Variants in VPS52 observed in about 807,000 individuals in gnomAD.
The protein encoded by VPS52 is vacuolar protein sorting-associated protein 52 homolog.
Under a neutral mutation model 98.7 loss-of-function variants are expected in VPS52, and 56 were observed. The ratio of observed to expected loss-of-function variants is 0.57; its 90% confidence interval spans 0.46 to 0.71. The LOEUF is 0.71. VPS52 is among the 30% of genes least tolerant of loss of function. The pLI is 0.00. For synonymous variants in VPS52, 348 were observed against 346.4 expected, an observed-to-expected ratio of 1.00 and a Z score of -0.05; for missense variants, 742 against 925.9, an observed-to-expected ratio of 0.80 and a Z score of 2.58.
At chr6:33,258,312 G>A (rs1325836237) in intron 17 of VPS52, among the ~76,000 whole-genome samples, 1 of 151,032 alleles carries the variant, frequency 6.6e-6, no homozygotes, top group Non-Finnish European at 1.5e-5. Flanking sequence ...GCTTGAACCC[G>A]GGAGGCAGAG....
At position 33,266,671 on chromosome 6, in the gene VPS52, G is replaced by A; in HGVS notation, c.1167C>T (p.Leu389=). Residue 389 remains leucine, a synonymous_variant, in exon 12 of 20, where the codon CTC becomes CTT. Coordinates refer to ENST00000445902, the MANE Select transcript of VPS52 (RefSeq NM_022553.6). ...GGTATTCGCGGCAGGAATTGTCTAG[G>A]AGGGCGTAGTGCTGGCTGCGGAAGA... ...EALFRSQHYA[L]LDNSCREYLF... 6.2e-7 allele frequency: 1 copy of A among 1,612,952 alleles called. No homozygotes were observed. Among genetic ancestry groups the A allele is most frequent in the Non-Finnish European group, 8.5e-7 (1 of 1,179,950 alleles).
intron 17 of VPS52, among the ~76,000 whole-genome samples, chr6:33,256,051 A>C (rs922790018): frequency 6.6e-6 from 1 of 152,190 alleles, no homozygotes; most frequent in African/African-American, 2.4e-5. Flanking sequence ...AATCAAAAAC[A>C]TAAGATGTTA....
chr6:33,263,086 AAAAT>A (rs769826309), intron 17 of VPS52, among the ~76,000 whole-genome samples: 120 of 152,028 alleles, frequency 7.9e-4, no homozygotes, highest in Non-Finnish European at 1.4e-3. Flanking sequence ...GATAAAGAAA[AAAAT>A]AAAATTCATT....
chr6:33,262,911 G>T (rs941277327), intron 17 of VPS52, among the ~76,000 whole-genome samples: 2 of 152,080 alleles, frequency 1.3e-5, no homozygotes, highest in Admixed American at 1.3e-4. Context: ...GGGAGAAGGT[G>T]GGGATGATTA....
At chr6:33,253,226 A>G (rs1762518725) in intron 17 of VPS52, among the ~76,000 whole-genome samples, 1 of 152,240 alleles carries the variant, frequency 6.6e-6, no homozygotes, top group South Asian at 2.1e-4. Context: ...ACAGTGGCTC[A>G]TGCCTGTAAT....
chr6:33,266,771 C>T, intron 11 of VPS52, 59 bp from the exon 12 acceptor site: 1 of 1,546,310 alleles, frequency 6.5e-7, no homozygotes, highest in Non-Finnish European at 8.7e-7. Context: ...ACTGACTTCC[C>T]ATGGATATGG....
In VPS52 at chr6:33,268,745, C is replaced by G. The variant is rs1005652252; in HGVS notation, c.549-96G>C. On this transcript the variant is annotated intron_variant, in intron 6 of 19. Transcript: ENST00000445902. This position sits in a 1 kb window ranked among gnomAD's most constrained non-coding sequence, Gnocchi z 4.0. The stretch of plus-strand genomic sequence containing the variant: ...ACTCCTTACCTCCAGCCCCTGTCAT[C>G]TCTACCACCTTGCATTGTACCATAT... The G allele has an allele frequency of 4.3e-6, 6 of 1,404,730 alleles. No homozygotes were observed. Among genetic ancestry groups the G allele is most frequent in the Admixed American group, 2.5e-5 (1 of 39,836 alleles). 87.0% of individuals were successfully genotyped at this position (1,404,730 alleles called of 1,614,324 possible).
At chr6:33,265,006 A>G in intron 12 of VPS52, 106 bp from the exon 13 acceptor site, 1 of 959,098 alleles carries the variant, frequency 1.0e-6, no homozygotes, top group East Asian at 2.4e-5. Flanking sequence ...TGCACTGGAC[A>G]GGACAGAAGG....
At position 33,269,148 on chromosome 6, in the gene VPS52, G is replaced by A; in HGVS notation, c.414C>T (p.Ser138=). The change falls in exon 6 of 20, where the codon AGC becomes AGT. Residue 138 remains serine, a synonymous_variant. Transcript: ENST00000445902. ...QMLGAFQSDL[S]SISSEIRTLQ... ...GTGTCCGGATCTCAGAGCTGATGGA[G>A]CTGAGGTCACTCTGAAAAGCTCCCA... The A allele has an allele frequency of 6.2e-7, 1 of 1,613,050 alleles. No homozygotes were observed. Among genetic ancestry groups the A allele is most frequent in the Non-Finnish European group, 8.5e-7 (1 of 1,180,030 alleles).
intron 17 of VPS52, among the ~76,000 whole-genome samples, chr6:33,254,269 G>A (rs928016978): frequency 1.3e-5 from 2 of 151,918 alleles, no homozygotes; most frequent in Non-Finnish European, 1.5e-5. Context: ...GCAGCAACTT[G>A]TCTCAGTAAA....
At position 33,268,032 on chromosome 6, in the gene VPS52, C is replaced by T; in HGVS notation, c.801-35G>A. The T allele has an allele frequency of 1.2e-6, 2 of 1,612,976 alleles. No homozygotes were observed. Among genetic ancestry groups the T allele is most frequent in the Non-Finnish European group, 1.7e-6 (2 of 1,179,958 alleles). ...CAGGAACATGTCAGTCTACCTGTCTCCCAAGAAACCAGATGCCCACACTAG... is the reference window on the plus strand; with the variant it reads ...CAGGAACATGTCAGTCTACCTGTCTTCCAAGAAACCAGATGCCCACACTAG... On this transcript the variant is annotated intron_variant, in intron 8 of 19. Transcript: ENST00000445902. This position sits in a 1 kb window ranked among gnomAD's most constrained non-coding sequence, Gnocchi z 4.0.
Position 33,267,940 on chromosome 6 carries a change from A to G in VPS52, c.858T>C (p.Asp286=), listed in dbSNP as rs561698189. 3.1e-4 allele frequency: 496 copies of G among 1,613,060 alleles called. 10 individuals are homozygous for G. In the South Asian group the frequency reaches 5.2e-3, roughly 17 times the overall value. The change falls in exon 9 of 20, where the codon GAT becomes GAC. Residue 286 remains aspartate (D), a synonymous_variant. Coordinates refer to ENST00000445902, the MANE Select transcript of VPS52 (RefSeq NM_022553.6). This position sits in a 1 kb window ranked among gnomAD's most constrained non-coding sequence, Gnocchi z 4.2. ...TCTTGCTCAGCGTCTCCACATATTC[A>G]TCCCTGATCTCCTTTGCTGTTGCTC... The part of the protein sequence containing the change: ...NERATAKEIR[D]EYVETLSKIY...
rs1309148905 is a variant in VPS52 at position 33,268,388 on chromosome 6, G to T, written c.699+111C>A. On this transcript the variant is annotated intron_variant, in intron 7 of 19. Transcript: ENST00000445902. The surrounding 1 kb of genome is among the most constrained non-coding windows in gnomAD (Gnocchi z 4.0). ...GAATGGGGCTGCCCAGAAAAGGCAGGGTGAAGTCCCTGGAGACAGGCTACA... is the reference window on the plus strand; with the variant it reads ...GAATGGGGCTGCCCAGAAAAGGCAGTGTGAAGTCCCTGGAGACAGGCTACA... 3 of 1,432,004 alleles carry T rather than the reference G, an allele frequency of 2.1e-6. No individual in the cohort carries two copies. The highest frequency in any genetic ancestry group is 4.6e-5 in the East Asian group (2 of 43,472). The allele number at this position is 1,432,004 out of a possible 1,614,324, so 88.7% of individuals were successfully genotyped here.
intron 3 of VPS52, 75 bp from the exon 4 acceptor site, chr6:33,269,894 T>G: frequency 6.3e-7 from 1 of 1,595,706 alleles, no homozygotes; most frequent in Non-Finnish European, 8.6e-7. Context: ...AGTGAAGGAC[T>G]AAAGGGTCAG....
chr6:33,271,695 G>A lies in VPS52; in HGVS notation c.-20C>T. The A allele has an allele frequency of 1.9e-6, 3 of 1,598,378 alleles. No homozygotes were observed. Among genetic ancestry groups the A allele is most frequent in the Non-Finnish European group, 1.7e-6 (2 of 1,171,866 alleles). On this transcript the variant is annotated 5_prime_UTR_variant, in exon 1 of 20. Transcript: ENST00000445902. Reference sequence around the variant, plus strand: ...GGCCATTCCCCGCAGCCTCACTTCCGGCAACTGTCAGTCCCGGCGAGTCCG... The same window carrying A: ...GGCCATTCCCCGCAGCCTCACTTCCAGCAACTGTCAGTCCCGGCGAGTCCG...
intron 17 of VPS52, among the ~76,000 whole-genome samples, chr6:33,259,492 A>G (rs1022482468): frequency 1.3e-5 from 2 of 152,210 alleles, no homozygotes; most frequent in African/African-American, 4.8e-5. Flanking sequence ...ATGATGCTCA[A>G]TGTTATTAGT....
chr6:33,262,312 A>G (rs980098912), intron 17 of VPS52, among the ~76,000 whole-genome samples: 2 of 152,244 alleles, frequency 1.3e-5, no homozygotes, highest in African/African-American at 4.8e-5. Flanking sequence ...AATCAAAACT[A>G]CAATGAGATC....
At position 33,250,600 on chromosome 6, in the gene VPS52, T is replaced by C; in HGVS notation, c.*241A>G. Reference sequence around the variant, plus strand: ...CAGACTGGAGAAATGATAAAGGCCATTTTGGAAGCCCACAGGGAAGTGGTC... The same window carrying C: ...CAGACTGGAGAAATGATAAAGGCCACTTTGGAAGCCCACAGGGAAGTGGTC... On this transcript the variant is annotated 3_prime_UTR_variant, in exon 20 of 20. Coordinates refer to ENST00000445902, the MANE Select transcript of VPS52 (RefSeq NM_022553.6). 1 of 514,608 alleles carries C rather than the reference T, an allele frequency of 1.9e-6. No homozygotes were observed. Among genetic ancestry groups the C allele is most frequent in the South Asian group, 3.0e-5 (1 of 33,040 alleles). The allele number at this position is 514,608 out of a possible 1,614,324, so 31.9% of individuals were successfully genotyped here.
chr6:33,271,924 T>A, upstream of VPS52: 1 of 1,069,460 alleles, frequency 9.4e-7, no homozygotes, highest in Non-Finnish European at 1.3e-6. Flanking sequence ...TTACGAACTG[T>A]AAAGAAAGGC....
Sources: allele counts gnomAD v4.1 joint callset (sites outside exome capture counted in the v4.1 genomes callset), GRCh38; gene constraint gnomAD v4.1.1; non-coding constraint Gnocchi (gnomAD v3.1); transcripts MANE v1.5; gene names NCBI Gene and HGNC (gene_info 2026-07-23, HGNC 2026-07-21).